GAB2: variants seen among roughly 807,000 people sequenced by gnomAD.
GAB2 encodes the protein GRB2-associated-binding protein 2.
A neutral mutation model predicts 65.5 loss-of-function variants in GAB2; 26 were observed. The observed-to-expected ratio is 0.40, with a 90% CI of 0.29 to 0.55. The LOEUF (loss-of-function observed/expected upper bound fraction) is 0.55. Among genes scored for constraint, GAB2 ranks in the 20% least tolerant of loss-of-function variants. The pLI is 0.53. For missense variants in GAB2, 884 were observed against 875.8 expected, an observed-to-expected ratio of 1.01 and a Z score of -0.12; for synonymous variants, 321 against 329.6, an observed-to-expected ratio of 0.97 and a Z score of 0.28.
chr11:78,237,751 G>C (rs1272200091), intron 3 of GAB2, among the ~76,000 whole-genome samples: 1 of 152,194 alleles, frequency 6.6e-6, no homozygotes, highest in Non-Finnish European at 1.5e-5. Flanking sequence ...AAGTGGTCTA[G>C]TGTATAAGTA....
chr11:78,251,050 A>G lies in GAB2; in HGVS notation c.377-650T>C, dbSNP rs115975718. Among the ~76,000 whole-genome samples, 897 of 152,214 alleles carry G rather than the reference A, an allele frequency of 5.9e-3. 3 individuals carry two copies. The highest frequency in any genetic ancestry group is 0.02 in the African/African-American group (844 of 41,500). On this transcript the variant is annotated intron_variant, in intron 2 of 9. Transcript: ENST00000361507. Reference sequence around the variant, plus strand: ...GAACAGAAGGCCAAACCTCAGCATTAGACAATATACCCATGTAACACACTT... The same window carrying G: ...GAACAGAAGGCCAAACCTCAGCATTGGACAATATACCCATGTAACACACTT...
At chr11:78,317,356 T>C (rs936783253) in intron 1 of GAB2, among the ~76,000 whole-genome samples, 15 of 152,086 alleles carry the variant, frequency 9.9e-5, no homozygotes, top group African/African-American at 2.2e-4. Flanking sequence ...AGTTAAGAGA[T>C]TGAGACCATT....
At chr11:78,371,858 C>T (rs142802214) in intron 1 of GAB2, among the ~76,000 whole-genome samples, 89 of 152,312 alleles carry the variant, frequency 5.8e-4, no homozygotes, top group African/African-American at 2.1e-3. Context: ...AAGCTAGACA[C>T]ATTTACATTC....
In GAB2 at chr11:78,417,636, C is replaced by A; in HGVS notation, c.75+10G>T. ...CCCGCCCGCCCCTGGGCGGCCGCGC[C>A]CGCACTCACATAGCGCCTCAACTTC... On this transcript the variant is annotated intron_variant, in intron 1 of 9. Transcript: ENST00000361507. The A allele has an allele frequency of 7.4e-7, 1 of 1,357,142 alleles. No homozygotes were observed. The allele number at this position is 1,357,142 out of a possible 1,614,324, so 84.1% of individuals were successfully genotyped here. A position where few individuals can be genotyped will look rare whatever the true frequency, so the allele number is the denominator to read the frequency against.
chr11:78,373,217 G>A (rs1443615764), intron 1 of GAB2, among the ~76,000 whole-genome samples: 1 of 150,912 alleles, frequency 6.6e-6, no homozygotes, highest in East Asian at 1.9e-4. Context: ...CATATCTAAA[G>A]CTACTAGGTG....
intron 2 of GAB2, among the ~76,000 whole-genome samples, chr11:78,271,847 T>A (rs1340207264): frequency 6.6e-6 from 1 of 152,212 alleles, no homozygotes; most frequent in Non-Finnish European, 1.5e-5. Flanking sequence ...TCATCTTGAA[T>A]TCCCACGTGT....
At chr11:78,281,450 G>C (rs1263771655) in intron 1 of GAB2, among the ~76,000 whole-genome samples, 1 of 152,124 alleles carries the variant, frequency 6.6e-6, no homozygotes, top group African/African-American at 2.4e-5. Context: ...TCTCCACATT[G>C]GTCAGGCGGG....
chr11:78,398,041 C>CACACACACACACAT (rs57095813), intron 1 of GAB2, among the ~76,000 whole-genome samples: 181 of 151,448 alleles, frequency 1.2e-3, no homozygotes, highest in Non-Finnish European at 1.5e-3. Context: ...CACACACACA[C>CACACACACACACAT]ATCCCTGGCC....
At chr11:78,267,466 G>A (rs1162266441) in intron 2 of GAB2, among the ~76,000 whole-genome samples, 1 of 149,702 alleles carries the variant, frequency 6.7e-6, no homozygotes, top group Non-Finnish European at 1.5e-5. Flanking sequence ...ATGGACACAT[G>A]GGGCGGCCAA....
At chr11:78,410,590 C>T (rs1202035741) in intron 1 of GAB2, among the ~76,000 whole-genome samples, 1 of 152,084 alleles carries the variant, frequency 6.6e-6, no homozygotes, top group Non-Finnish European at 1.5e-5. Flanking sequence ...CACTACAGAC[C>T]CTGCAGACAC....
At chr11:78,254,043 C>A (rs1002453582) in intron 2 of GAB2, among the ~76,000 whole-genome samples, 1 of 152,184 alleles carries the variant, frequency 6.6e-6, no homozygotes, top group East Asian at 1.9e-4. Flanking sequence ...CTTCCTTGAG[C>A]TCAGCCTGTG....
intron 1 of GAB2, among the ~76,000 whole-genome samples, chr11:78,384,468 C>T (rs1164484082): frequency 2.6e-5 from 4 of 152,200 alleles, no homozygotes; most frequent in East Asian, 3.9e-4. Flanking sequence ...CAAAAAAGCA[C>T]ATTTTGGAAA....
At chr11:78,238,982 A>G (rs944631366) in intron 3 of GAB2, among the ~76,000 whole-genome samples, 1 of 152,192 alleles carries the variant, frequency 6.6e-6, no homozygotes, top group African/African-American at 2.4e-5. Flanking sequence ...ATATTTCTCC[A>G]AAGAAGATAT....
In GAB2 at chr11:78,221,324, C is replaced by T. The variant is rs182406503; in HGVS notation, c.1761+353G>A. 4.6e-5 allele frequency among the ~76,000 whole-genome samples: 7 copies of T among 152,312 alleles called. No homozygotes were observed. The East Asian group carries it at 7.7e-4, about 17-fold the overall frequency. ...GCCTCACCAAAGTGAGTTATGTGCACGTATGCCTCTCACCACTGAGGAGAT... is the reference window on the plus strand; with the variant it reads ...GCCTCACCAAAGTGAGTTATGTGCATGTATGCCTCTCACCACTGAGGAGAT... On this transcript the variant is annotated intron_variant, in intron 8 of 9. Coordinates refer to ENST00000361507, the MANE Select transcript of GAB2 (RefSeq NM_080491.3).
rs114995763 is a variant in GAB2 at position 78,282,964 on chromosome 11, A to C, written c.76-2063T>G. ...ACCCAGCAAACCCCAGCTAAGTCTA[A>C]TGCTCTGCCAACTCTACCTGTTCCC... On this transcript the variant is annotated intron_variant, in intron 1 of 9. Coordinates refer to ENST00000361507, the MANE Select transcript of GAB2 (RefSeq NM_080491.3). Among the ~76,000 whole-genome samples the C allele has an allele frequency of 8.7e-3, 1,321 of 152,278 alleles. 20 individuals carry two copies. The highest frequency in any genetic ancestry group is 0.03 in the African/African-American group (1,254 of 41,560).
chr11:78,290,225 CACTTT>C (rs1183933429), intron 1 of GAB2, among the ~76,000 whole-genome samples: 2 of 152,146 alleles, frequency 1.3e-5, no homozygotes, highest in Non-Finnish European at 1.5e-5. Context: ...CAATGAAAGT[CACTTT>C]ACTTAACAGT....
chr11:78,380,213 C>CTTTT (rs11428219), intron 1 of GAB2, among the ~76,000 whole-genome samples: 2 of 148,734 alleles, frequency 1.3e-5, no homozygotes, highest in Admixed American at 1.3e-4. Flanking sequence ...TGAATGAGAA[C>CTTTT]TTTTTTTTTT....
intron 5 of GAB2, 35 bp from the exon 6 acceptor site, chr11:78,223,711 T>G: frequency 6.5e-7 from 1 of 1,528,058 alleles, no homozygotes; most frequent in Non-Finnish European, 8.8e-7. Context: ...ATACAGCTGT[T>G]ACTAGCAAGA....
At chr11:78,302,497 T>TG (rs1269583398) in intron 1 of GAB2, among the ~76,000 whole-genome samples, 2 of 151,844 alleles carry the variant, frequency 1.3e-5, no homozygotes, top group Non-Finnish European at 2.9e-5. Flanking sequence ...ACCTTACTCC[T>TG]GCAAGAATGG....
Sources: gnomAD v4.1 joint callset for allele counts (sites outside exome capture counted in the v4.1 genomes callset) on GRCh38, gnomAD v4.1.1 for gene constraint, MANE v1.5 for transcripts, NCBI Gene and HGNC (gene_info 2026-07-23, HGNC 2026-07-21) for gene names.